The following GREB1L variants were observed in gnomAD, a reference collection of about 807,000 sequenced individuals.
GREB1L encodes the protein GREB1 like retinoic acid receptor coactivator.
A neutral mutation model predicts 200.8 loss-of-function variants in GREB1L; 17 were observed. That is an observed-to-expected ratio of 0.08 (90% CI 0.06 to 0.13). The LOEUF (loss-of-function observed/expected upper bound fraction) is 0.13. Among genes scored for constraint, GREB1L ranks in the 10% least tolerant of loss-of-function variants. The probability of loss-of-function intolerance (pLI) is 1.00; values close to 1 mark genes in which losing one functional copy is unlikely to be tolerated. For synonymous variants in GREB1L, 789 were observed against 893.0 expected (o/e 0.88, Z 2.08); for missense variants, 1,657 against 2,367.7 (o/e 0.70, Z 6.23).
chr18:21,381,493 A>G (rs1218072713), intron 2 of GREB1L, among the ~76,000 whole-genome samples: 1 of 152,136 alleles, frequency 6.6e-6, no homozygotes, highest in Non-Finnish European at 1.5e-5. Context: ...TTTTATGAAT[A>G]TGTATTACTT....
intron 7 of GREB1L, among the ~76,000 whole-genome samples, chr18:21,418,133 T>A (rs899369507): frequency 3.3e-5 from 5 of 152,100 alleles, no homozygotes; most frequent in African/African-American, 1.2e-4. Flanking sequence ...TAAAAGTAAA[T>A]TGTATGACAA....
At chr18:21,307,026 GATA>G (rs2038711944) in intron 1 of GREB1L, among the ~76,000 whole-genome samples, 1 of 152,190 alleles carries the variant, frequency 6.6e-6, no homozygotes, top group Non-Finnish European at 1.5e-5. Flanking sequence ...TCATGTGATT[GATA>G]ATGTTTTCCT....
At chr18:21,415,546 C>T (rs1277133159) in intron 7 of GREB1L, among the ~76,000 whole-genome samples, 8 of 146,906 alleles carry the variant, frequency 5.4e-5, no homozygotes, top group African/African-American at 1.8e-4. Flanking sequence ...AGGAAGAGAG[C>T]GAGGGGAGGG....
At chr18:21,518,280 TTC>T (rs1315395182) in intron 31 of GREB1L, 46 bp downstream of exon 31, 23 of 1,504,792 alleles carry the variant, frequency 1.5e-5, no homozygotes, top group Non-Finnish European at 2.1e-5. Flanking sequence ...ATCCATCCAT[TTC>T]TTTCTCATTT....
chr18:21,443,806 C>T (rs1465421404), intron 10 of GREB1L, among the ~76,000 whole-genome samples: 3 of 152,174 alleles, frequency 2.0e-5, no homozygotes, highest in Non-Finnish European at 2.9e-5. Flanking sequence ...GCACATCCTC[C>T]CATATACATT....
intron 1 of GREB1L, among the ~76,000 whole-genome samples, chr18:21,313,938 G>GT (rs1054926297): frequency 5.3e-5 from 8 of 152,230 alleles, no homozygotes; most frequent in African/African-American, 1.2e-4. Context: ...GTTTGTATGG[G>GT]TTTTTTCCCT....
At chr18:21,258,620 C>G (rs2144077571) in intron 1 of GREB1L, among the ~76,000 whole-genome samples, 1 of 152,246 alleles carries the variant, frequency 6.6e-6, no homozygotes, top group South Asian at 2.1e-4. Context: ...CCTTTGGAAG[C>G]TAGTTCAGTA....
chr18:21,397,882 C>T (rs898664403), intron 5 of GREB1L, among the ~76,000 whole-genome samples: 3 of 152,152 alleles, frequency 2.0e-5, no homozygotes, highest in African/African-American at 7.2e-5. Context: ...GAGGCTCTTA[C>T]GTAGGGACAC....
intron 7 of GREB1L, among the ~76,000 whole-genome samples, chr18:21,416,653 CACTGT>C (rs1245013014): frequency 6.7e-6 from 1 of 149,688 alleles, no homozygotes; most frequent in Admixed American, 6.7e-5. Context: ...AAGATTGCCC[CACTGT>C]ACTCCAGCCT....
Position 21,450,160 on chromosome 18 carries a change from G to A in GREB1L, c.1720+324G>A, listed in dbSNP as rs114030366. 1.7e-3 allele frequency among the ~76,000 whole-genome samples: 254 copies of A among 152,336 alleles called. 2 individuals are homozygous for A. The highest frequency in any genetic ancestry group is 5.9e-3 in the African/African-American group (245 of 41,584). On this transcript the variant is annotated intron_variant, in intron 12 of 32. Transcript: ENST00000424526. ...ACTACTCTAGCATGTGATAAAGCCA[G>A]TGCCACAGGTGGCCTAAGCCAGTTA...
chr18:21,452,757 A>C (rs1261412189), intron 14 of GREB1L, among the ~76,000 whole-genome samples: 1 of 152,168 alleles, frequency 6.6e-6, no homozygotes, highest in Non-Finnish European at 1.5e-5. Flanking sequence ...TTAAGACTGG[A>C]TTCATTTGGG....
At chr18:21,462,009 T>C (rs2035065433) in intron 15 of GREB1L, among the ~76,000 whole-genome samples, 1 of 152,172 alleles carries the variant, frequency 6.6e-6, no homozygotes, top group South Asian at 2.1e-4. Flanking sequence ...ACACGGTGAC[T>C]CCCAACCACC....
intron 1 of GREB1L, among the ~76,000 whole-genome samples, chr18:21,348,667 C>G (rs575783488): frequency 1.3e-5 from 2 of 151,710 alleles, no homozygotes; most frequent in African/African-American, 4.8e-5. Flanking sequence ...CCCAGCTACC[C>G]GGGAGGCTGA....
At chr18:21,479,365 G>A (rs2145750525) in intron 17 of GREB1L, among the ~76,000 whole-genome samples, 1 of 152,244 alleles carries the variant, frequency 6.6e-6, no homozygotes, top group African/African-American at 2.4e-5. Context: ...TAGAGAAACA[G>A]GCTTAAAATA....
chr18:21,505,501 G>A lies in GREB1L; in HGVS notation c.4162G>A (p.Val1388Met). Residue 1388 changes from valine (V) to methionine (M), a missense_variant, in exon 24 of 33, where the codon GTG (valine) becomes ATG (methionine). This residue lies in a region of GREB1L where 512 missense variants were observed against 668.3 expected (regional missense o/e 0.77). Coordinates refer to ENST00000424526, the MANE Select transcript of GREB1L (RefSeq NM_001142966.3). Reference sequence around the variant, plus strand: ...CAGTAAAATGCCTTTTGATGTCAGTGTGCATGACCCCAAGTACAGTTTGAT... The same window carrying A: ...CAGTAAAATGCCTTTTGATGTCAGTATGCATGACCCCAAGTACAGTTTGAT... ...SFSKMPFDVS[V>M]HDPKYSLMSL... 1 of 1,551,694 alleles carries A rather than the reference G, an allele frequency of 6.4e-7. No individual in the cohort carries two copies.
At chr18:21,276,175 A>T (rs2038160004) in intron 1 of GREB1L, among the ~76,000 whole-genome samples, 2 of 152,192 alleles carry the variant, frequency 1.3e-5, no homozygotes, top group Admixed American at 6.5e-5. Context: ...CCATTGGATC[A>T]GTCCTCAATC....
intron 1 of GREB1L, among the ~76,000 whole-genome samples, chr18:21,352,981 ACCATCCT>A (rs1362046772): frequency 4.6e-5 from 7 of 151,926 alleles, no homozygotes; most frequent in Non-Finnish European, 1.0e-4. Context: ...GGAGATTGAG[ACCATCCT>A]GGCTAACACG....
chr18:21,375,958 A>G (rs530810556), intron 2 of GREB1L, among the ~76,000 whole-genome samples: 1 of 152,326 alleles, frequency 6.6e-6, no homozygotes, highest in South Asian at 2.1e-4. Flanking sequence ...ATTAACTGCC[A>G]GTAATGCCTG....
intron 1 of GREB1L, among the ~76,000 whole-genome samples, chr18:21,295,393 A>G (rs1488127696): frequency 6.6e-6 from 1 of 152,200 alleles, no homozygotes; most frequent in South Asian, 2.1e-4. Flanking sequence ...TAGTGACTGG[A>G]CAGAGGCTTT....
Sources: gnomAD v4.1 joint callset for allele counts (sites outside exome capture counted in the v4.1 genomes callset) on GRCh38, gnomAD v4.1.1 for gene constraint, gnomAD v4.1.1 regional missense constraint, MANE v1.5 for transcripts, NCBI Gene and HGNC (gene_info 2026-07-23, HGNC 2026-07-21) for gene names.